Variants in CFAP161 observed in about 807,000 individuals in gnomAD.
CFAP161 encodes cilia and flagella associated protein 161, also known as cilia- and flagella-associated protein 161.
A neutral mutation model predicts 29.0 loss-of-function variants in CFAP161; 25 were observed. The ratio of observed to expected loss-of-function variants is 0.86; its 90% CI spans 0.63 to 1.20. The LOEUF (loss-of-function observed/expected upper bound fraction) is 1.20, where lower values mean the gene tolerates loss of function less well. CFAP161 is among the 50% of genes most tolerant of loss of function. The probability of loss-of-function intolerance (pLI) is 0.00; values close to 1 mark genes in which losing one functional copy is unlikely to be tolerated. For missense variants in CFAP161, 367 were observed against 371.9 expected (o/e 0.99, Z 0.11); for synonymous variants, 116 against 137.4 (o/e 0.84, Z 1.09).
At chr15:81,143,239 G>C (rs1469295659) in intron 4 of CFAP161, among the ~76,000 whole-genome samples, 4 of 152,214 alleles carry the variant, frequency 2.6e-5, no homozygotes, top group Non-Finnish European at 4.4e-5. Context: ...CTTGAGCCCA[G>C]GAGTTGGAGG....
At position 81,138,799 on chromosome 15, in the gene CFAP161, C is replaced by T. The variant is rs375080406; in HGVS notation, c.477+664C>T. Among the ~76,000 whole-genome samples, 8 of 152,228 alleles carry T rather than the reference C, an allele frequency of 5.3e-5. No individual in the cohort carries two copies. In the East Asian group the frequency reaches 1.5e-3, roughly 29 times the overall value. ...ACATATTTCAACTCTCCTAATCCCC[C>T]AAACTTGCCTTTGAGGTAGGGACTA... On this transcript the variant is annotated intron_variant, in intron 4 of 6. Transcript: ENST00000286732.
intron 5 of CFAP161, among the ~76,000 whole-genome samples, chr15:81,146,512 T>C (rs1388586466): frequency 6.6e-6 from 1 of 152,040 alleles, no homozygotes; most frequent in African/African-American, 2.4e-5. Flanking sequence ...CAATATAACT[T>C]TGAGTGATGA....
chr15:81,109,792 A>G (rs1411262334), intron 1 of CFAP161, among the ~76,000 whole-genome samples: 1 of 152,222 alleles, frequency 6.6e-6, no homozygotes, highest in Non-Finnish European at 1.5e-5. Flanking sequence ...TAATCAGGGC[A>G]TAAAGAAGAT....
intron 1 of CFAP161, among the ~76,000 whole-genome samples, chr15:81,124,028 G>A (rs2457381): frequency 0.57 from 86,796 of 151,910 alleles, 26,056 homozygotes; most frequent in Non-Finnish European, 0.68. Context: ...AATGCTTTTT[G>A]TTTCTTTCTC....
At chr15:81,127,956 G>C (rs2683246) in intron 2 of CFAP161, among the ~76,000 whole-genome samples, 79,268 of 152,122 alleles carry the variant, frequency 0.52, 23,198 homozygotes, top group Non-Finnish European at 0.68. Flanking sequence ...TAAAGGAAAA[G>C]ATTAGGACTA....
At chr15:81,105,153 C>CT (rs1208367465) in intron 1 of CFAP161, among the ~76,000 whole-genome samples, 6 of 24,044 alleles carry the variant, frequency 2.5e-4, no homozygotes, top group African/African-American at 5.2e-4. Flanking sequence ...CCCTCCCTCC[C>CT]TCCCTCCCTT....
At chr15:81,139,597 T>C (rs934502068) in intron 4 of CFAP161, among the ~76,000 whole-genome samples, 1 of 152,218 alleles carries the variant, frequency 6.6e-6, no homozygotes, top group African/African-American at 2.4e-5. Flanking sequence ...TATAATTGTG[T>C]GGCGGTATCA....
intron 1 of CFAP161, among the ~76,000 whole-genome samples, chr15:81,120,217 A>C (rs1894554733): frequency 1.3e-5 from 2 of 152,222 alleles, no homozygotes; most frequent in Non-Finnish European, 2.9e-5. Context: ...AGACACATGA[A>C]GGGTATATCC....
rs778049727 is a variant in CFAP161 at position 81,135,377 on chromosome 15, T to TA, written c.159+19dup. 13 of 1,474,458 alleles carry TA rather than the reference T, an allele frequency of 8.8e-6. No homozygotes were observed. The highest frequency in any genetic ancestry group is 2.2e-5 in the Admixed American group (1 of 46,218). The allele number at this position is 1,474,458 out of a possible 1,614,324, so 91.3% of individuals were successfully genotyped here. On this transcript the variant is annotated intron_variant, in intron 2 of 6. Transcript: ENST00000286732. ...TGAGACCGGTAACTTTTTTTTTTTT[T>TA]ATTACACTTTAAGTTTTAGGGTACA...
intron 1 of CFAP161, among the ~76,000 whole-genome samples, chr15:81,124,905 A>C (rs12592855): frequency 0.014 from 2,165 of 152,156 alleles, 41 homozygotes; most frequent in South Asian, 0.07. Flanking sequence ...AATGTATATT[A>C]ATAGACTCAT....
At chr15:81,105,157 C>CTCCTTTCCG (rs1894351910) in intron 1 of CFAP161, among the ~76,000 whole-genome samples, 1 of 19,036 alleles carries the variant, frequency 5.3e-5, no homozygotes, top group Non-Finnish European at 1.4e-4. Flanking sequence ...CCCTCCCTCC[C>CTCCTTTCCG]TCCCTTCCTT....
chr15:81,147,988 T>C (rs751768109), intron 6 of CFAP161, 57 bp downstream of exon 6: 7 of 1,400,390 alleles, frequency 5.0e-6, no homozygotes, highest in Non-Finnish European at 7.0e-6. Context: ...GCCATGAATA[T>C]AAGCAAAGAA....
chr15:81,134,492 C>A, intron 1 of CFAP161, 94 bp downstream of exon 1: 1 of 1,243,918 alleles, frequency 8.0e-7, no homozygotes, highest in Non-Finnish European at 1.1e-6. Flanking sequence ...CTCAAGCCTC[C>A]TCTCTCTCCC....
At chr15:81,133,208 TATATATATATATATATG>T (rs1322912266), upstream of CFAP161, among the ~76,000 whole-genome samples, 2,627 of 64,554 alleles carry the variant, frequency 0.041, 170 homozygotes, top group Admixed American at 0.056. Flanking sequence ...TATATATATA[TATATATATATATATATG>T]TATTTTTTTT....
At chr15:81,134,205 C>A, upstream of CFAP161, 1 of 1,171,620 alleles carries the variant, frequency 8.5e-7, no homozygotes, top group African/African-American at 1.5e-5. Flanking sequence ...AGGGTGCGCG[C>A]TGTCGCTTAT....
At chr15:81,116,389 G>A (rs1371682850) in intron 1 of CFAP161, among the ~76,000 whole-genome samples, 1 of 152,222 alleles carries the variant, frequency 6.6e-6, no homozygotes, top group Non-Finnish European at 1.5e-5. Context: ...CGCCTCCTGG[G>A]TTCAAGTGAT....
At position 81,138,081 on chromosome 15, in the gene CFAP161, T is replaced by A. The variant is rs763230732; in HGVS notation, c.423T>A (p.Leu141=). The A allele has an allele frequency of 2.5e-6, 4 of 1,612,868 alleles. No individual in the cohort carries two copies. In the Admixed American group the frequency reaches 6.7e-5, roughly 27 times the overall value. Residue 141 remains leucine (L), a synonymous_variant, in exon 4 of 7, where the codon CTT becomes CTA. Coordinates refer to ENST00000286732, the MANE Select transcript of CFAP161 (RefSeq NM_173528.4). Reference sequence around the variant, plus strand: ...ACAGAGATGCCACTGGTCAAGTCCTTAGATATGGGCAGGACTTTTGCCTGG... The same window carrying A: ...ACAGAGATGCCACTGGTCAAGTCCTAAGATATGGGCAGGACTTTTGCCTGG... The part of the protein sequence containing the change: ...SVHRDATGQV[L]RYGQDFCLGI...
Position 81,134,296 on chromosome 15 carries a change from G to T in CFAP161, c.-34G>T, listed in dbSNP as rs78657016. 1.3e-6 allele frequency: 2 copies of T among 1,566,888 alleles called. No homozygotes were observed. The highest frequency in any genetic ancestry group is 1.3e-5 in the African/African-American group (1 of 74,274). The stretch of plus-strand genomic sequence containing the variant: ...ACGCGCCACGCTAACGCATGGTGTC[G>T]GAGGGAGGCCCACTTGCTGAACAGC... On this transcript the variant is annotated 5_prime_UTR_variant, in exon 1 of 7. Transcript: ENST00000286732.
chr15:81,136,843 A>G, intron 3 of CFAP161, 95 bp downstream of exon 3: 1 of 1,012,996 alleles, frequency 9.9e-7, no homozygotes, highest in Non-Finnish European at 1.5e-6. Flanking sequence ...GAGTGGAGGG[A>G]AAGGTTTTGT....
Sources: allele counts gnomAD v4.1 joint callset (sites outside exome capture counted in the v4.1 genomes callset), GRCh38; gene constraint gnomAD v4.1.1; transcripts MANE v1.5; gene names NCBI Gene and HGNC (gene_info 2026-07-23, HGNC 2026-07-21).